The following AAR2 variants were observed in gnomAD, a reference collection of about 807,000 sequenced individuals.
The protein encoded by AAR2 is protein AAR2 homolog.
Under a neutral mutation model 26.9 loss-of-function variants are expected in AAR2, and 31 were observed. The observed-to-expected ratio is 1.15, with a 90% CI of 0.86 to 1.55. AAR2 has a LOEUF of 1.55. Among genes scored for constraint, AAR2 ranks in the 40% most tolerant of loss-of-function variants. The pLI is 0.00. For missense variants in AAR2, 430 were observed against 491.3 expected (o/e 0.88, Z 1.18); for synonymous variants, 188 against 196.1 (o/e 0.96, Z 0.34).
At chr20:36,242,864 T>G (rs1215846224) in intron 2 of AAR2, among the ~76,000 whole-genome samples, 5 of 150,016 alleles carry the variant, frequency 3.3e-5, no homozygotes, top group East Asian at 1.9e-4. Flanking sequence ...GTTTTTTTTT[T>G]TTTTTTTTTT....
intron 3 of AAR2, among the ~76,000 whole-genome samples, chr20:36,245,516 T>C (rs2064725940): frequency 6.6e-6 from 1 of 152,246 alleles, no homozygotes; most frequent in Admixed American, 6.5e-5. Flanking sequence ...ATTAGTCCTT[T>C]ATGTACTTGG....
At chr20:36,252,691 G>A (rs1332284214) in intron 3 of AAR2, among the ~76,000 whole-genome samples, 4 of 152,204 alleles carry the variant, frequency 2.6e-5, no homozygotes, top group Non-Finnish European at 5.9e-5. Flanking sequence ...CTCAGTGGCT[G>A]GAGAGCAGGG....
Position 36,255,976 on chromosome 20 carries a change from G to A in AAR2, c.*231G>A. ...GGTTCCCCATCAGCCAGGCCTTGGT[G>A]CTAACCTGGCTGAATTTCACACAGG... On this transcript the variant is annotated 3_prime_UTR_variant, in exon 4 of 4. Transcript: ENST00000320849. 1.8e-6 allele frequency: 1 copy of A among 552,152 alleles called. No individual in the cohort carries two copies. Among genetic ancestry groups the A allele is most frequent in the Non-Finnish European group, 3.1e-6 (1 of 318,926 alleles). 34.2% of individuals were successfully genotyped at this position (552,152 alleles called of 1,614,324 possible). A position where few individuals can be genotyped will look rare whatever the true frequency, so the allele number is the denominator to read the frequency against.
At chr20:36,243,786 CAA>C (rs1555886614) in intron 2 of AAR2, among the ~76,000 whole-genome samples, 1 of 152,200 alleles carries the variant, frequency 6.6e-6, no homozygotes, top group Non-Finnish European at 1.5e-5. Context: ...CTACAACCCT[CAA>C]ATAAGGAAAT....
At position 36,255,756 on chromosome 20, in the gene AAR2, G is replaced by C; in HGVS notation, c.*11G>C. 2 of 1,613,690 alleles carry C rather than the reference G, an allele frequency of 1.2e-6. No individual in the cohort carries two copies. The highest frequency in any genetic ancestry group is 1.7e-6 in the Non-Finnish European group (2 of 1,179,758). ...ATCGAGATGGGCTAACTCGGGGAGC[G>C]CTCTCAGCTGCGAGGGGCCCCTTCC... On this transcript the variant is annotated 3_prime_UTR_variant, in exon 4 of 4. Coordinates refer to ENST00000320849, the MANE Select transcript of AAR2 (RefSeq NM_001271874.2).
At chr20:36,246,876 AAAC>A (rs1163320325) in intron 3 of AAR2, among the ~76,000 whole-genome samples, 1 of 152,232 alleles carries the variant, frequency 6.6e-6, no homozygotes, top group Non-Finnish European at 1.5e-5. Context: ...AAACAAAACA[AAAC>A]AAAAAACACA....
Position 36,240,284 on chromosome 20 carries a change from T to G in AAR2, c.416T>G (p.Phe139Cys). Residue 139 changes from phenylalanine to cysteine, a missense_variant, in exon 2 of 4, where the codon TTC (phenylalanine) becomes TGC (cysteine). Transcript: ENST00000320849. ...AAGAAGTGGATCTCACTCACCAACT[T>G]CATCAGCGAAGCCACAGTGGAGAAG... ...TLKKWISLTN[F>C]ISEATVEKLQ... 6.2e-7 allele frequency: 1 copy of G among 1,614,094 alleles called. No homozygotes were observed. Among genetic ancestry groups the G allele is most frequent in the Non-Finnish European group, 8.5e-7 (1 of 1,180,026 alleles).
rs145635219 is a variant in AAR2, at chr20:36,244,766, G to A, written c.827G>A (p.Arg276Gln). 76 of 1,614,116 alleles carry A rather than the reference G, an allele frequency of 4.7e-5. No individual in the cohort carries two copies. Among genetic ancestry groups the A allele is most frequent in the South Asian group, 4.5e-4 (41 of 91,074 alleles). The stretch of plus-strand genomic sequence containing the variant: ...TACGAGGCATTTGAGCATTGGAAGC[G>A]GCTCCTGAACCTCCTGTGCCGGTCA... ...NVYEAFEHWK[R>Q]LLNLLCRSEA... The change falls in exon 3 of 4, where the codon CGG (arginine) becomes CAG (glutamine). Residue 276 changes from arginine (R) to glutamine (Q), a missense_variant. By Grantham distance (43) the Arg-to-Gln change is conservative (BLOSUM62 1). Transcript: ENST00000320849.
At position 36,242,362 on chromosome 20, in the gene AAR2, CTTTTGTTGTTGT is replaced by C. The variant is rs748851426; in HGVS notation, c.757+1739_757+1750del. On this transcript the variant is annotated intron_variant, in intron 2 of 3. Transcript: ENST00000320849. Reference sequence around the variant, plus strand: ...ATAACCTATATTTTAACAGGTACATCTTTTGTTGTTGTTGTTGTTGTTGTTGTTGTTGTTGTT... The same window carrying C: ...ATAACCTATATTTTAACAGGTACATCTGTTGTTGTTGTTGTTGTTGTTGTT... Among the ~76,000 whole-genome samples the C allele has an allele frequency of 3.5e-3, 487 of 138,726 alleles. 3 individuals carry two copies. The highest frequency in any genetic ancestry group is 0.029 in the Middle Eastern group (8 of 274). 91.0% of individuals were successfully genotyped at this position (138,726 alleles called of 152,430 possible).
At chr20:36,241,539 C>T (rs535444121) in intron 2 of AAR2, among the ~76,000 whole-genome samples, 25 of 152,238 alleles carry the variant, frequency 1.6e-4, no homozygotes, top group Admixed American at 9.8e-4. Context: ...GTAATCCCAG[C>T]ACTTTGGGAG....
chr20:36,252,959 A>G (rs772985312), intron 3 of AAR2, among the ~76,000 whole-genome samples: 2 of 149,400 alleles, frequency 1.3e-5, no homozygotes, highest in Non-Finnish European at 3.0e-5. Flanking sequence ...CTCGCCACCA[A>G]GATCACACAG....
At chr20:36,247,086 A>C (rs1187731790) in intron 3 of AAR2, among the ~76,000 whole-genome samples, 3 of 152,150 alleles carry the variant, frequency 2.0e-5, no homozygotes, top group African/African-American at 7.2e-5. Context: ...CATTGTCTTG[A>C]CTCTTGTAAT....
chr20:36,240,178 C>G lies in AAR2; in HGVS notation c.310C>G (p.Pro104Ala), dbSNP rs748751730. ...GGAAGAGGTAGACCTGTCCCCAGCCCCAGAGTCTGAGGTGGAGGCCATGAG... is the reference window on the plus strand; with the variant it reads ...GGAAGAGGTAGACCTGTCCCCAGCCGCAGAGTCTGAGGTGGAGGCCATGAG... ...LREEVDLSPA[P>A]ESEVEAMRAN... Residue 104 changes from proline to alanine, a missense_variant, in exon 2 of 4, where the codon CCA becomes GCA. Physicochemically the swap from Pro to Ala is conservative, Grantham distance 27. Transcript: ENST00000320849. The G allele has an allele frequency of 3.7e-6, 6 of 1,614,170 alleles. No homozygotes were observed. The South Asian group carries it at 6.6e-5, about 18-fold the overall frequency.
At chr20:36,238,080 G>C (rs968609613) in intron 1 of AAR2, among the ~76,000 whole-genome samples, 1 of 151,884 alleles carries the variant, frequency 6.6e-6, no homozygotes, top group Admixed American at 6.6e-5. Context: ...CACCACGCCC[G>C]GCCTGTTGAT....
intron 3 of AAR2, among the ~76,000 whole-genome samples, chr20:36,255,190 TG>T (rs1351627004): frequency 1.3e-5 from 2 of 152,212 alleles, no homozygotes; most frequent in Non-Finnish European, 2.9e-5. Context: ...CGTGTTGGCT[TG>T]GGGCCTGGGA....
chr20:36,255,716 G>A lies in AAR2; in HGVS notation c.1126G>A (p.Glu376Lys). 1 of 1,614,104 alleles carries A rather than the reference G, an allele frequency of 6.2e-7. No homozygotes were observed. The highest frequency in any genetic ancestry group is 8.5e-7 in the Non-Finnish European group (1 of 1,180,028). ...TGAGGACTGTGCCCCGGTGGTGGTG[G>A]AGCTCCCTGAGGGCATCGAGATGGG... ...EPEDCAPVVV[E>K]LPEGIEMG Residue 376 changes from glutamate (E) to lysine (K), a missense_variant, in exon 4 of 4, where the codon GAG (glutamate) becomes AAG (lysine). Glu to Lys is a moderately conservative substitution (Grantham distance 56). Coordinates refer to ENST00000320849, the MANE Select transcript of AAR2 (RefSeq NM_001271874.2).
At chr20:36,242,271 C>T (rs1351911348) in intron 2 of AAR2, among the ~76,000 whole-genome samples, 1 of 151,516 alleles carries the variant, frequency 6.6e-6, no homozygotes, top group African/African-American at 2.4e-5. Flanking sequence ...TCTGCCTCGG[C>T]TTCCCAAAGT....
intron 3 of AAR2, among the ~76,000 whole-genome samples, chr20:36,249,241 A>G (rs1172421694): frequency 6.6e-6 from 1 of 152,198 alleles, no homozygotes; most frequent in Non-Finnish European, 1.5e-5. Context: ...GGTTTTTACA[A>G]ATCCCTTGGA....
rs892488251 is a variant in AAR2 at position 36,256,882 on chromosome 20, G to C, written c.*1137G>C. 6.6e-6 allele frequency: 1 copy of C among 152,644 alleles called. No homozygotes were observed. The highest frequency in any genetic ancestry group is 2.4e-5 in the African/African-American group (1 of 41,450). 9.5% of individuals were successfully genotyped at this position (152,644 alleles called of 1,614,324 possible). On this transcript the variant is annotated 3_prime_UTR_variant, in exon 4 of 4. Coordinates refer to ENST00000320849, the MANE Select transcript of AAR2 (RefSeq NM_001271874.2). Reference sequence around the variant, plus strand: ...ACTTTTGCTTCCACTTGTTTCCTTGGAGATGTTTTTCCAAGAGCATAATGT... The same window carrying C: ...ACTTTTGCTTCCACTTGTTTCCTTGCAGATGTTTTTCCAAGAGCATAATGT...
Sources: gnomAD v4.1 joint callset for allele counts (sites outside exome capture counted in the v4.1 genomes callset) on GRCh38, gnomAD v4.1.1 for gene constraint, MANE v1.5 for transcripts, NCBI Gene and HGNC (gene_info 2026-07-23, HGNC 2026-07-21) for gene names.